The following SMIM10L1 variants were observed in gnomAD, a reference collection of about 807,000 sequenced individuals.
SMIM10L1 encodes the protein small integral membrane protein 10 like 1.
A neutral mutation model predicts 4.5 loss-of-function variants in SMIM10L1; 6 were observed. The ratio of observed to expected loss-of-function variants is 1.33; its 90% CI spans 0.73 to 2.62. SMIM10L1 has a LOEUF of 2.62. Among genes scored for constraint, SMIM10L1 ranks in the 30% most tolerant of loss-of-function variants. The pLI, the probability that SMIM10L1 is intolerant of heterozygous loss-of-function variation, is 0.00. For missense variants in SMIM10L1, 66 were observed against 86.2 expected, an observed-to-expected ratio of 0.77 and a Z score of 0.93; for synonymous variants, 49 against 42.2, an observed-to-expected ratio of 1.16 and a Z score of -0.63.
chr12:11,171,377 G>A lies in SMIM10L1; in HGVS notation c.21G>A (p.Pro7=), dbSNP rs1331601872. The A allele has an allele frequency of 3.2e-6, 4 of 1,231,922 alleles. No homozygotes were observed. Among genetic ancestry groups the A allele is most frequent in the South Asian group, 4.1e-5 (1 of 24,312 alleles). 76.3% of individuals were successfully genotyped at this position (1,231,922 alleles called of 1,614,324 possible). Reference sequence around the variant, plus strand: ...GGCTCATGGCCCCCGCGGCGGCTCCGTCCTCCTTGGCCGTCAGGGCCTCAA... The same window carrying A: ...GGCTCATGGCCCCCGCGGCGGCTCCATCCTCCTTGGCCGTCAGGGCCTCAA... MAPAAA[P]SSLAVRASSP... Residue 7 remains proline, a synonymous_variant, in exon 1 of 1, where the codon CCG becomes CCA. Transcript: ENST00000622602.
rs1947891253 is a variant in SMIM10L1, at chr12:11,173,117, A to G, written c.*1554A>G. On this transcript the variant is annotated 3_prime_UTR_variant, in exon 1 of 1. Coordinates refer to ENST00000622602, the MANE Select transcript of SMIM10L1 (RefSeq NM_001271592.2). ...GGAAAAAATTAACTAATAAACCACT[A>G]AGAGGGGTAAAGTGTTAAAATAGTT... The G allele has an allele frequency of 6.6e-6, 1 of 152,188 alleles. No individual in the cohort carries two copies. The highest frequency in any genetic ancestry group is 2.4e-5 in the African/African-American group (1 of 41,448). The allele number at this position is 152,188 out of a possible 1,614,324, so 9.4% of individuals were successfully genotyped here.
At position 11,173,597 on chromosome 12, in the gene SMIM10L1, T is replaced by G. The variant is rs189821100; in HGVS notation, c.*2034T>G. On this transcript the variant is annotated 3_prime_UTR_variant, in exon 1 of 1. Coordinates refer to ENST00000622602, the MANE Select transcript of SMIM10L1 (RefSeq NM_001271592.2). ...ACCAAGGGATTTAGAATCGTGGACA[T>G]CACTGTTTCCCAGAGCACTGATGTC... 21 of 152,306 alleles carry G rather than the reference T, an allele frequency of 1.4e-4. No homozygotes were observed. The East Asian group carries it at 4.1e-3, about 29-fold the overall frequency. 9.4% of individuals were successfully genotyped at this position (152,306 alleles called of 1,614,324 possible).
At position 11,174,573 on chromosome 12, in the gene SMIM10L1, G is replaced by C. The variant is rs1481686082; in HGVS notation, c.*3010G>C. ...GTTATTATCAATAGAGATAAGAAAT[G>C]TAGCTGGCAAAAAAAAAAATGGGAA... is the stretch of plus-strand genomic sequence containing the variant. On this transcript the variant is annotated 3_prime_UTR_variant, in exon 1 of 1. Transcript: ENST00000622602. The C allele has an allele frequency of 1.4e-5, 2 of 139,096 alleles. No individual in the cohort carries two copies. The highest frequency in any genetic ancestry group is 3.2e-5 in the Non-Finnish European group (2 of 63,130). 8.6% of individuals were successfully genotyped at this position (139,096 alleles called of 1,614,324 possible).
Position 11,174,042 on chromosome 12 carries a change from ATG to A in SMIM10L1, c.*2481_*2482del, listed in dbSNP as rs889636883. 2.9e-5 allele frequency: 4 copies of A among 139,534 alleles called. No homozygotes were observed. The highest frequency in any genetic ancestry group is 7.2e-5 in the Admixed American group (1 of 13,918). The allele number at this position is 139,534 out of a possible 1,614,324, so 8.6% of individuals were successfully genotyped here. A position where few individuals can be genotyped will look rare whatever the true frequency, so the allele number is the denominator to read the frequency against. ...ACAGCTTACATTTACCTCGTAATAT[ATG>A]TATATATATATATTAGGAGTTAAAT... On this transcript the variant is annotated 3_prime_UTR_variant, in exon 1 of 1. Coordinates refer to ENST00000622602, the MANE Select transcript of SMIM10L1 (RefSeq NM_001271592.2).
chr12:11,173,079 A>C lies in SMIM10L1; in HGVS notation c.*1516A>C, dbSNP rs1947890151. On this transcript the variant is annotated 3_prime_UTR_variant, in exon 1 of 1. Coordinates refer to ENST00000622602, the MANE Select transcript of SMIM10L1 (RefSeq NM_001271592.2). Reference sequence around the variant, plus strand: ...AAAGTGCAGAAAAAGTAGTATACGCATTTTTTTTTTCAGGAAAAAATTAAC... The same window carrying C: ...AAAGTGCAGAAAAAGTAGTATACGCCTTTTTTTTTTCAGGAAAAAATTAAC... 6.7e-6 allele frequency: 1 copy of C among 150,084 alleles called. No individual in the cohort carries two copies. Among genetic ancestry groups the C allele is most frequent in the Admixed American group, 6.7e-5 (1 of 15,032 alleles). The allele number at this position is 150,084 out of a possible 1,614,324, so 9.3% of individuals were successfully genotyped here. A position where few individuals can be genotyped will look rare whatever the true frequency, so the allele number is the denominator to read the frequency against.
In SMIM10L1 at chr12:11,175,462, G is replaced by C. The variant is rs549679285; in HGVS notation, c.*3899G>C. 1 of 152,292 alleles carries C rather than the reference G, an allele frequency of 6.6e-6. No homozygotes were observed. Among genetic ancestry groups the C allele is most frequent in the East Asian group, 1.9e-4 (1 of 5,184 alleles). 9.4% of individuals were successfully genotyped at this position (152,292 alleles called of 1,614,324 possible). ...TAAAGTTACATGCAGAAGCATAAAG[G>C]GGTAGGATGAAAGTTGAGGAATATA... On this transcript the variant is annotated 3_prime_UTR_variant, in exon 1 of 1. Transcript: ENST00000622602.
In SMIM10L1 at chr12:11,174,040, A is replaced by G. The variant is rs1226770278; in HGVS notation, c.*2477A>G. ...TTACAGCTTACATTTACCTCGTAAT[A>G]TATGTATATATATATATTAGGAGTT... On this transcript the variant is annotated 3_prime_UTR_variant, in exon 1 of 1. Coordinates refer to ENST00000622602, the MANE Select transcript of SMIM10L1 (RefSeq NM_001271592.2). 27 of 141,388 alleles carry G rather than the reference A, an allele frequency of 1.9e-4. No homozygotes were observed. Among genetic ancestry groups the G allele is most frequent in the Admixed American group, 1.9e-3 (27 of 14,178 alleles). 8.8% of individuals were successfully genotyped at this position (141,388 alleles called of 1,614,324 possible). A position where few individuals can be genotyped will look rare whatever the true frequency, so the allele number is the denominator to read the frequency against.
chr12:11,171,595 A>ATG lies in SMIM10L1; in HGVS notation c.*32_*33insTG. The ATG allele has an allele frequency of 8.2e-7, 1 of 1,224,088 alleles. No individual in the cohort carries two copies. The highest frequency in any genetic ancestry group is 1.0e-6 in the Non-Finnish European group (1 of 980,644). 75.8% of individuals were successfully genotyped at this position (1,224,088 alleles called of 1,614,324 possible). The stretch of plus-strand genomic sequence containing the variant: ...GACTAAGCTAACGGCCTCCGGGGCC[A>ATG]GCATGATGGCCGACTCCCAGGGTCC... On this transcript the variant is annotated 3_prime_UTR_variant, in exon 1 of 1. Coordinates refer to ENST00000622602, the MANE Select transcript of SMIM10L1 (RefSeq NM_001271592.2).
In SMIM10L1 at chr12:11,172,572, A is replaced by G. The variant is rs1278446902; in HGVS notation, c.*1009A>G. ...GGTAGGGGAGAACAGTATGAAGTCAACAGGAAATGGCTAAAGATGGAGAGC... is the reference window on the plus strand; with the variant it reads ...GGTAGGGGAGAACAGTATGAAGTCAGCAGGAAATGGCTAAAGATGGAGAGC... On this transcript the variant is annotated 3_prime_UTR_variant, in exon 1 of 1. Coordinates refer to ENST00000622602, the MANE Select transcript of SMIM10L1 (RefSeq NM_001271592.2). The G allele has an allele frequency of 1.3e-5, 2 of 152,190 alleles. No individual in the cohort carries two copies. The highest frequency in any genetic ancestry group is 2.9e-5 in the Non-Finnish European group (2 of 68,032). The allele number at this position is 152,190 out of a possible 1,614,324, so 9.4% of individuals were successfully genotyped here.
Position 11,171,673 on chromosome 12 carries a change from CT to C in SMIM10L1, c.*111del. ...CGAGCCCCACAGTCTCGCGAGAGTG[CT>C]CAGGCGCTCTTCGTGGCTGCCCTCT... On this transcript the variant is annotated 3_prime_UTR_variant, in exon 1 of 1. Coordinates refer to ENST00000622602, the MANE Select transcript of SMIM10L1 (RefSeq NM_001271592.2). 2.6e-6 allele frequency: 2 copies of C among 780,618 alleles called. No homozygotes were observed. Among genetic ancestry groups the C allele is most frequent in the Non-Finnish European group, 3.5e-6 (2 of 576,088 alleles). 48.4% of individuals were successfully genotyped at this position (780,618 alleles called of 1,614,324 possible).
In SMIM10L1 at chr12:11,175,237, A is replaced by G. The variant is rs1050926350; in HGVS notation, c.*3674A>G. ...GGGAGCAAAGGGAGAGAGAGGAAAG[A>G]ACGTTGTCCTCAGAATGGAAGGGAA... On this transcript the variant is annotated 3_prime_UTR_variant, in exon 1 of 1. Transcript: ENST00000622602. 1.3e-5 allele frequency: 2 copies of G among 152,144 alleles called. No homozygotes were observed. The highest frequency in any genetic ancestry group is 2.9e-5 in the Non-Finnish European group (2 of 68,026). 9.4% of individuals were successfully genotyped at this position (152,144 alleles called of 1,614,324 possible).
rs143484365 is a variant in SMIM10L1, at chr12:11,171,638, C to T, written c.*75C>T. 0.017 allele frequency: 17,452 copies of T among 1,055,404 alleles called. 157 individuals are homozygous for T. Among genetic ancestry groups the T allele is most frequent in the South Asian group, 0.031 (640 of 20,388 alleles). 65.4% of individuals were successfully genotyped at this position (1,055,404 alleles called of 1,614,324 possible). On this transcript the variant is annotated 3_prime_UTR_variant, in exon 1 of 1. Transcript: ENST00000622602. The stretch of plus-strand genomic sequence containing the variant: ...CAGGGTCCGTTGCGGCGCGGCGGAG[C>T]AGCCAATGGCGAGCCCCACAGTCTC...
Position 11,171,721 on chromosome 12 carries a change from A to G in SMIM10L1, c.*158A>G, listed in dbSNP as rs1947856510. 6.5e-6 allele frequency: 3 copies of G among 462,540 alleles called. No individual in the cohort carries two copies. Among genetic ancestry groups the G allele is most frequent in the Non-Finnish European group, 1.0e-5 (3 of 286,250 alleles). The allele number at this position is 462,540 out of a possible 1,614,324, so 28.7% of individuals were successfully genotyped here. The stretch of plus-strand genomic sequence containing the variant: ...CTCTTAGCTGCTAGCGGAGCTCCTC[A>G]GGGGGCGGCCGGGAGCCTACAATCC... On this transcript the variant is annotated 3_prime_UTR_variant, in exon 1 of 1. Transcript: ENST00000622602.
In SMIM10L1 at chr12:11,171,601, A is replaced by C; in HGVS notation, c.*38A>C. 2 of 1,207,340 alleles carry C rather than the reference A, an allele frequency of 1.7e-6. No homozygotes were observed. The highest frequency in any genetic ancestry group is 2.1e-6 in the Non-Finnish European group (2 of 965,340). The allele number at this position is 1,207,340 out of a possible 1,614,324, so 74.8% of individuals were successfully genotyped here. On this transcript the variant is annotated 3_prime_UTR_variant, in exon 1 of 1. Coordinates refer to ENST00000622602, the MANE Select transcript of SMIM10L1 (RefSeq NM_001271592.2). ...GCTAACGGCCTCCGGGGCCAGCATGATGGCCGACTCCCAGGGTCCGTTGCG... is the reference window on the plus strand; with the variant it reads ...GCTAACGGCCTCCGGGGCCAGCATGCTGGCCGACTCCCAGGGTCCGTTGCG...
In SMIM10L1 at chr12:11,171,806, T is replaced by G; in HGVS notation, c.*243T>G. 2.8e-6 allele frequency: 1 copy of G among 352,496 alleles called. No homozygotes were observed. Among genetic ancestry groups the G allele is most frequent in the Non-Finnish European group, 5.1e-6 (1 of 197,312 alleles). The allele number at this position is 352,496 out of a possible 1,614,324, so 21.8% of individuals were successfully genotyped here. ...TGCAGTTAAGACCCTCGAAAACATC[T>G]AAGAAAGTGTGCATCCTAAAACACC... On this transcript the variant is annotated 3_prime_UTR_variant, in exon 1 of 1. Transcript: ENST00000622602.
Position 11,172,395 on chromosome 12 carries a change from G to A in SMIM10L1, c.*832G>A, listed in dbSNP as rs1437514830. ...GAAAATACAAGTGGGAATGTTGAAG[G>A]AGGGCGGGGGAAGTAAATGGAATGG... On this transcript the variant is annotated 3_prime_UTR_variant, in exon 1 of 1. Transcript: ENST00000622602. 6.6e-6 allele frequency: 1 copy of A among 152,186 alleles called. No individual in the cohort carries two copies. The highest frequency in any genetic ancestry group is 1.5e-5 in the Non-Finnish European group (1 of 68,042). 9.4% of individuals were successfully genotyped at this position (152,186 alleles called of 1,614,324 possible). A position where few individuals can be genotyped will look rare whatever the true frequency, so the allele number is the denominator to read the frequency against.
rs1947847404 is a variant in SMIM10L1, at chr12:11,171,572, C to G, written c.*9C>G. 8.1e-6 allele frequency: 10 copies of G among 1,231,808 alleles called. No individual in the cohort carries two copies. The highest frequency in any genetic ancestry group is 8.1e-6 in the Non-Finnish European group (8 of 987,784). The allele number at this position is 1,231,808 out of a possible 1,614,324, so 76.3% of individuals were successfully genotyped here. On this transcript the variant is annotated 3_prime_UTR_variant, in exon 1 of 1. Transcript: ENST00000622602. ...TGCAGGTACATATTTAGAGCCATGA[C>G]TAAGCTAACGGCCTCCGGGGCCAGC... is the stretch of plus-strand genomic sequence containing the variant.
Position 11,171,679 on chromosome 12 carries a change from C to G in SMIM10L1, c.*116C>G. The G allele has an allele frequency of 1.3e-6, 1 of 750,110 alleles. No individual in the cohort carries two copies. Among genetic ancestry groups the G allele is most frequent in the Non-Finnish European group, 1.8e-6 (1 of 548,256 alleles). The allele number at this position is 750,110 out of a possible 1,614,324, so 46.5% of individuals were successfully genotyped here. ...CCACAGTCTCGCGAGAGTGCTCAGG[C>G]GCTCTTCGTGGCTGCCCTCTTAGCT... is the stretch of plus-strand genomic sequence containing the variant. On this transcript the variant is annotated 3_prime_UTR_variant, in exon 1 of 1. Transcript: ENST00000622602.
rs66579623 is a variant in SMIM10L1 at position 11,174,683 on chromosome 12, GT to G, written c.*3133del. 107,083 of 146,726 alleles carry G rather than the reference GT, an allele frequency of 0.73. 41,137 individuals are homozygous for G. Among genetic ancestry groups the G allele is most frequent in the East Asian group, 0.96 (4,855 of 5,068 alleles). The allele number at this position is 146,726 out of a possible 1,614,324, so 9.1% of individuals were successfully genotyped here. A position where few individuals can be genotyped will look rare whatever the true frequency, so the allele number is the denominator to read the frequency against. On this transcript the variant is annotated 3_prime_UTR_variant, in exon 1 of 1. Coordinates refer to ENST00000622602, the MANE Select transcript of SMIM10L1 (RefSeq NM_001271592.2). Reference sequence around the variant, plus strand: ...TAACCTAAGGGATAGGGGAAAAGTTGTTTTTTTTTTTTTAATTCTGGGTAAA... The same window carrying G: ...TAACCTAAGGGATAGGGGAAAAGTTGTTTTTTTTTTTTAATTCTGGGTAAA...
Sources: allele counts gnomAD v4.1 joint callset, GRCh38; gene constraint gnomAD v4.1.1; transcripts MANE v1.5; gene names NCBI Gene and HGNC (gene_info 2026-07-23, HGNC 2026-07-21).